The following ABCA12 variants were observed in gnomAD, a reference collection of about 807,000 sequenced individuals.
ABCA12 encodes ATP binding cassette subfamily A member 12, also known as glucosylceramide transporter ABCA12.
ABCA12 carries 156 observed loss-of-function variants against 293.5 expected under a neutral mutation model. The ratio of observed to expected loss-of-function variants is 0.53; its 90% confidence interval spans 0.47 to 0.61. The LOEUF is 0.61. ABCA12 is among the 20% of genes least tolerant of loss of function. The pLI is 0.00. For missense variants in ABCA12, 2,797 were observed against 3,090.2 expected (o/e 0.91, Z 2.25); for synonymous variants, 1,063 against 1,108.0 (o/e 0.96, Z 0.81).
At chr2:215,111,385 G>T (rs1413869500) in intron 2 of ABCA12, among the ~76,000 whole-genome samples, 1 of 152,154 alleles carries the variant, frequency 6.6e-6, no homozygotes, top group East Asian at 1.9e-4. Context: ...GCTTCTACAA[G>T]CTTCATATTT....
chr2:214,973,851 ACTT>A, intron 36 of ABCA12, 95 bp downstream of exon 36: 1 of 1,047,922 alleles, frequency 9.5e-7, no homozygotes. Flanking sequence ...CATAAAATGA[ACTT>A]ATACTGATTC....
chr2:215,056,027 A>G (rs147343655), intron 3 of ABCA12, among the ~76,000 whole-genome samples: 1 of 152,208 alleles, frequency 6.6e-6, no homozygotes, highest in East Asian at 1.9e-4. Flanking sequence ...ACTACTGAAT[A>G]TCAACACATT....
intron 7 of ABCA12, 151 bp from the exon 8 acceptor site, chr2:215,037,216 G>C: frequency 1.5e-6 from 1 of 673,474 alleles, no homozygotes; most frequent in Non-Finnish European, 2.6e-6. Flanking sequence ...TTACTTGTTT[G>C]TCTGTTCATG....
chr2:214,982,486 A>G, intron 29 of ABCA12, 103 bp from the exon 30 acceptor site: 1 of 895,608 alleles, frequency 1.1e-6, no homozygotes, highest in Non-Finnish European at 1.8e-6. Context: ...GGTAACTATT[A>G]TGTGCTCAGT....
At chr2:214,951,690 G>C (rs1698776950) in intron 44 of ABCA12, among the ~76,000 whole-genome samples, 1 of 152,196 alleles carries the variant, frequency 6.6e-6, no homozygotes, top group Non-Finnish European at 1.5e-5. Context: ...CTGGGAGGCA[G>C]AGGTTGCAGT....
In ABCA12 at chr2:215,011,623, G is replaced by T; in HGVS notation, c.2148C>A (p.Asn716Lys). The change falls in exon 17 of 53, where the codon AAC (asparagine) becomes AAA (lysine). Residue 716 changes from asparagine to lysine, a missense_variant. By Grantham distance (94) the Asn-to-Lys change is moderately conservative. Transcript: ENST00000272895. The part of the protein sequence containing the change: ...TQAMYRSNRM[N>K]TPQGSFSTIS... ...TGGTGCTAAATGATCCTTGTGGTGT[G>T]TTCATTCGGTTGCTTCTGTACATTG... The T allele has an allele frequency of 6.2e-7, 1 of 1,614,020 alleles. No individual in the cohort carries two copies. Among genetic ancestry groups the T allele is most frequent in the Non-Finnish European group, 8.5e-7 (1 of 1,179,924 alleles).
At chr2:215,092,345 A>T (rs973630006) in intron 2 of ABCA12, among the ~76,000 whole-genome samples, 1 of 152,032 alleles carries the variant, frequency 6.6e-6, no homozygotes, top group African/African-American at 2.4e-5. Context: ...CAGTTCCCTT[A>T]TTAGATCGAG....
At chr2:215,131,417 G>A (rs1703053204) in intron 1 of ABCA12, among the ~76,000 whole-genome samples, 1 of 151,458 alleles carries the variant, frequency 6.6e-6, no homozygotes, top group South Asian at 2.1e-4. Flanking sequence ...TTCATTACTT[G>A]TTATTGGTCT....
chr2:215,113,063 A>T (rs1702610612), intron 1 of ABCA12, among the ~76,000 whole-genome samples: 1 of 152,168 alleles, frequency 6.6e-6, no homozygotes, highest in Non-Finnish European at 1.5e-5. Context: ...GGTCAGACTT[A>T]TCTTTTCTCT....
intron 7 of ABCA12, chr2:215,038,912 A>G (rs908410328): frequency 6.6e-6 from 1 of 152,208 alleles, no homozygotes. Context: ...CCTTTACACC[A>G]TTGATACTTG....
Position 215,010,395 on chromosome 2 carries a change from G to A in ABCA12, c.2408C>T (p.Pro803Leu). ...AGPVIWAFLK[P>L]MLLGRILYAP... Reference sequence around the variant, plus strand: ...ATACAAAATTCTTCCCAACAACATAGGTTTCAAGAAAGCCCAAATCACAGG... The same window carrying A: ...ATACAAAATTCTTCCCAACAACATAAGTTTCAAGAAAGCCCAAATCACAGG... Residue 803 changes from proline to leucine, a missense_variant, in exon 18 of 53, where the codon CCT (proline) becomes CTT (leucine). By Grantham distance (98) the Pro-to-Leu change is moderately conservative. Transcript: ENST00000272895. The A allele has an allele frequency of 6.2e-7, 1 of 1,613,794 alleles. No homozygotes were observed. Among genetic ancestry groups the A allele is most frequent in the South Asian group, 1.1e-5 (1 of 91,084 alleles).
intron 6 of ABCA12, among the ~76,000 whole-genome samples, chr2:215,047,071 T>C (rs573832454): frequency 6.6e-6 from 1 of 152,208 alleles, no homozygotes; most frequent in African/African-American, 2.4e-5. Context: ...CTGGGGTCTG[T>C]CAGAGCTGGA....
intron 44 of ABCA12, among the ~76,000 whole-genome samples, chr2:214,952,220 T>C (rs1055582718): frequency 1.2e-5 from 1 of 82,880 alleles, no homozygotes; most frequent in Admixed American, 2.1e-4. Flanking sequence ...CTTTTTTTTG[T>C]TGTTTTTTTT....
intron 23 of ABCA12, among the ~76,000 whole-genome samples, chr2:214,996,517 A>C (rs1700036322): frequency 1.3e-5 from 2 of 152,196 alleles, no homozygotes; most frequent in African/African-American, 4.8e-5. Flanking sequence ...GGGGCTTGCA[A>C]TCATAATTAC....
chr2:215,045,750 C>A, intron 7 of ABCA12, 87 bp downstream of exon 7: 1 of 1,220,474 alleles, frequency 8.2e-7, no homozygotes, highest in East Asian at 2.4e-5. Context: ...TTAAATAACC[C>A]AGATAACAGT....
intron 8 of ABCA12, 109 bp from the exon 9 acceptor site, chr2:215,032,005 T>C: frequency 6.3e-7 from 1 of 1,578,116 alleles, no homozygotes; most frequent in Admixed American, 1.8e-5. Flanking sequence ...AATGCAGAAA[T>C]CTGCAGAATC....
At position 214,980,643 on chromosome 2, in the gene ABCA12, G is replaced by A. The variant is rs1429840331; in HGVS notation, c.4580C>T (p.Ala1527Val). ...IWDVISKNKTARTIILSTHHL... is the reference protein window; with the variant it reads ...IWDVISKNKTVRTIILSTHHL... ...GTGCGTTGACAGAATGATTGTTCTGGCTTGAAAATACAGACAAGAACAACA... is the reference window on the plus strand; with the variant it reads ...GTGCGTTGACAGAATGATTGTTCTGACTTGAAAATACAGACAAGAACAACA... The change falls in exon 31 of 53, where the codon GCC (alanine) becomes GTC (valine). Residue 1527 changes from alanine to valine, a missense_variant and splice_region_variant. Physicochemically the swap from Ala to Val is moderately conservative, Grantham distance 64. Coordinates refer to ENST00000272895, the MANE Select transcript of ABCA12 (RefSeq NM_173076.3). 6.2e-7 allele frequency: 1 copy of A among 1,614,000 alleles called. No individual in the cohort carries two copies. Among genetic ancestry groups the A allele is most frequent in the Non-Finnish European group, 8.5e-7 (1 of 1,179,944 alleles).
intron 8 of ABCA12, among the ~76,000 whole-genome samples, chr2:215,033,941 AAAAAAT>A (rs1212652522): frequency 6.6e-6 from 1 of 152,074 alleles, no homozygotes; most frequent in Non-Finnish European, 1.5e-5. Context: ...ACTCCGTCTC[AAAAAAT>A]AAAAATAAAA....
chr2:214,940,328 T>C (rs930003564), intron 50 of ABCA12, among the ~76,000 whole-genome samples: 3 of 152,190 alleles, frequency 2.0e-5, no homozygotes, highest in African/African-American at 7.2e-5. Flanking sequence ...TTGATCATGG[T>C]GTATAAGCTT....
Sources: gnomAD v4.1 joint callset for allele counts (sites outside exome capture counted in the v4.1 genomes callset) on GRCh38, gnomAD v4.1.1 for gene constraint, MANE v1.5 for transcripts, NCBI Gene and HGNC (gene_info 2026-07-23, HGNC 2026-07-21) for gene names.